Variants in PHF24 observed in about 807,000 individuals in gnomAD.
The protein encoded by PHF24 is Galpha inhibitory interacting protein.
A neutral mutation model predicts 42.6 loss-of-function variants in PHF24; 25 were observed. That is an observed-to-expected ratio of 0.59 (90% CI 0.43 to 0.82). The LOEUF is 0.82. PHF24 is among the 40% of genes least tolerant of loss of function. The pLI is 0.00. For synonymous variants in PHF24, 185 were observed against 204.8 expected (o/e 0.90, Z 0.83); for missense variants, 470 against 538.1 (o/e 0.87, Z 1.25).
At chr9:34,910,140 G>A in the PHF24 span, among the ~76,000 whole-genome samples, 1 of 152,172 alleles carries the variant, frequency 6.6e-6, no homozygotes. Flanking sequence ...ATGTGAAAAT[G>A]GGTTTTCCTG....
the PHF24 span, among the ~76,000 whole-genome samples, chr9:34,765,054 G>T: frequency 6.6e-6 from 1 of 151,994 alleles, no homozygotes; most frequent in Admixed American, 6.6e-5. Flanking sequence ...ATTGCACTGT[G>T]GTCTGAGAGA....
chr9:34,837,038 T>A, the PHF24 span: 4 of 470,830 alleles, frequency 8.5e-6, no homozygotes, highest in Non-Finnish European at 1.8e-5. Context: ...AGGCTGGTGT[T>A]TAGAGACTGC....
chr9:34,676,022 G>T, the PHF24 span, among the ~76,000 whole-genome samples: 2 of 152,164 alleles, frequency 1.3e-5, no homozygotes, highest in South Asian at 2.1e-4. Flanking sequence ...CGGGGAAAGG[G>T]CTAGTGGTGG....
the PHF24 span, among the ~76,000 whole-genome samples, chr9:34,713,782 C>T: frequency 5.3e-5 from 8 of 152,110 alleles, no homozygotes; most frequent in Admixed American, 2.6e-4. Context: ...TTGTAATCCT[C>T]ACGTCAGAGC....
chr9:34,731,851 G>T, the PHF24 span, among the ~76,000 whole-genome samples: 1 of 151,630 alleles, frequency 6.6e-6, no homozygotes, highest in African/African-American at 2.4e-5. Flanking sequence ...TGTATTTTTA[G>T]GTTTTTTTTT....
the PHF24 span, among the ~76,000 whole-genome samples, chr9:34,770,972 G>A: frequency 6.6e-6 from 1 of 152,086 alleles, no homozygotes; most frequent in African/African-American, 2.4e-5. Context: ...AATTAGCCAA[G>A]CATTGTGGCG....
chr9:34,701,990 G>T, the PHF24 span, among the ~76,000 whole-genome samples: 1 of 152,164 alleles, frequency 6.6e-6, no homozygotes, highest in Admixed American at 6.5e-5. This position sits in a 1 kb window ranked among gnomAD's most constrained non-coding sequence, Gnocchi z 5.8. Flanking sequence ...GCTCGCACCC[G>T]ATAGATATCT....
the PHF24 span, among the ~76,000 whole-genome samples, chr9:34,739,919 G>T: frequency 1.3e-5 from 2 of 152,162 alleles, no homozygotes; most frequent in Admixed American, 1.3e-4. Context: ...TAGACACAAA[G>T]GTTCTCCACC....
exon 2 of PHF24, chr9:34,971,495 C>T (rs368189371): frequency 2.4e-5 from 38 of 1,614,138 alleles, no homozygotes; most frequent in Middle Eastern, 1.6e-4. Flanking sequence ...GCAGGAACCT[C>T]GGTGGTCCAG....
the PHF24 span, among the ~76,000 whole-genome samples, chr9:34,899,438 G>A: frequency 6.6e-6 from 1 of 152,280 alleles, no homozygotes; most frequent in African/African-American, 2.4e-5. Context: ...ACATGCCACT[G>A]GTGTGAGACT....
exon 6 of PHF24, chr9:34,977,172 G>A (rs372403340): frequency 1.2e-6 from 2 of 1,613,968 alleles, no homozygotes; most frequent in Non-Finnish European, 1.7e-6. Context: ...CCGTCAGTGA[G>A]GCAGAGTGCC....
chr9:34,851,873 A>G, the PHF24 span, among the ~76,000 whole-genome samples: 1 of 152,236 alleles, frequency 6.6e-6, no homozygotes, highest in African/African-American at 2.4e-5. Flanking sequence ...TAACTTTCAT[A>G]CTAAGGATAT....
At chr9:34,748,945 A>C in the PHF24 span, among the ~76,000 whole-genome samples, 3 of 152,176 alleles carry the variant, frequency 2.0e-5, no homozygotes, top group African/African-American at 7.2e-5. Flanking sequence ...AGGAAACTCA[A>C]ATAAATTCAA....
At chr9:34,879,743 C>T in the PHF24 span, among the ~76,000 whole-genome samples, 401 of 152,182 alleles carry the variant, frequency 2.6e-3, no homozygotes, top group African/African-American at 8.7e-3. Context: ...CTGAAAGAGA[C>T]GGGGAGAATG....
chr9:34,723,814 T>G, the PHF24 span: 1 of 1,551,728 alleles, frequency 6.4e-7, no homozygotes, highest in Non-Finnish European at 8.7e-7. Flanking sequence ...TTAGCTTGGT[T>G]TGACTGTCTT....
the PHF24 span, among the ~76,000 whole-genome samples, chr9:34,872,596 CAG>C: frequency 7.0e-6 from 1 of 143,290 alleles, no homozygotes; most frequent in Non-Finnish European, 1.5e-5. Context: ...TTTCTTAATC[CAG>C]TCTATCATTG....
the PHF24 span, among the ~76,000 whole-genome samples, chr9:34,901,100 A>G: frequency 3.3e-5 from 5 of 152,242 alleles, no homozygotes; most frequent in African/African-American, 1.2e-4. Flanking sequence ...TCTCAAAAAA[A>G]TTCTTGTCAA....
At chr9:34,833,070 G>A in the PHF24 span, 2 of 1,531,874 alleles carry the variant, frequency 1.3e-6, no homozygotes, top group African/African-American at 1.6e-5. Context: ...TCTTCAGCAG[G>A]GCGTCTCTCT....
At chr9:34,794,734 C>A in the PHF24 span, among the ~76,000 whole-genome samples, 11 of 152,220 alleles carry the variant, frequency 7.2e-5, no homozygotes, top group East Asian at 1.9e-3. Flanking sequence ...TGAAAAATGT[C>A]AGTGAACTTG....
Sources: allele counts gnomAD v4.1 joint callset (sites outside exome capture counted in the v4.1 genomes callset), GRCh38; gene constraint gnomAD v4.1.1; non-coding constraint Gnocchi (gnomAD v3.1); transcripts MANE v1.5; gene names NCBI Gene and HGNC (gene_info 2026-07-23, HGNC 2026-07-21).